Variants in SRGAP3 observed in about 807,000 individuals in gnomAD.
SRGAP3 encodes SLIT-ROBO Rho GTPase-activating protein 3.
In SRGAP3, 39 loss-of-function variants were observed where a neutral mutation model predicts 121.1. The ratio of observed to expected loss-of-function variants is 0.32; its 90% CI spans 0.25 to 0.42. SRGAP3 has a LOEUF of 0.42. SRGAP3 is among the 10% of genes least tolerant of loss of function. The pLI is 1.00. For missense variants in SRGAP3, 1,213 were observed against 1,470.6 expected, an observed-to-expected ratio of 0.82 and a Z score of 2.86; for synonymous variants, 601 against 570.0, an observed-to-expected ratio of 1.05 and a Z score of -0.77.
chr3:9,204,530 G>C (rs530564493), intron 1 of SRGAP3, among the ~76,000 whole-genome samples: 1 of 152,248 alleles, frequency 6.6e-6, no homozygotes, highest in Non-Finnish European at 1.5e-5. Flanking sequence ...AGATAAAATG[G>C]AGGAGGGAGG....
chr3:8,992,590 AG>A (rs1431150525), intron 20 of SRGAP3: 1 of 469,394 alleles, frequency 2.1e-6, no homozygotes, highest in African/African-American at 1.9e-5. Flanking sequence ...AAGGAGGTGC[AG>A]GAACTGGACA....
At chr3:9,300,402 C>A (rs1208494139) in intron 3 of SRGAP3, among the ~76,000 whole-genome samples, 4 of 151,822 alleles carry the variant, frequency 2.6e-5, no homozygotes, top group African/African-American at 4.8e-5. Context: ...TGCCATCTGT[C>A]CTTCTGTGAC....
Position 8,983,229 on chromosome 3 carries a change from C to T in SRGAP3, c.*2290G>A. The stretch of plus-strand genomic sequence containing the variant: ...ATCTTGGGCAGGTCACAGCACAGCC[C>T]AAGGCCTTACTCTCTTAAGCTGTAA... On this transcript the variant is annotated 3_prime_UTR_variant, in exon 22 of 22. Coordinates refer to ENST00000383836, the MANE Select transcript of SRGAP3 (RefSeq NM_014850.4). 1 of 227,120 alleles carries T rather than the reference C, an allele frequency of 4.4e-6. No individual in the cohort carries two copies. The highest frequency in any genetic ancestry group is 6.3e-5 in the East Asian group (1 of 15,782). The allele number at this position is 227,120 out of a possible 1,614,324, so 14.1% of individuals were successfully genotyped here. A position where few individuals can be genotyped will look rare whatever the true frequency, so the allele number is the denominator to read the frequency against.
chr3:9,017,256 T>C (rs193038066), intron 14 of SRGAP3, among the ~76,000 whole-genome samples: 1 of 152,312 alleles, frequency 6.6e-6, no homozygotes, highest in East Asian at 1.9e-4. Flanking sequence ...TTCATACTGA[T>C]GTTTCTTATT....
chr3:9,214,259 C>T (rs1253535477), intron 1 of SRGAP3, among the ~76,000 whole-genome samples: 1 of 152,090 alleles, frequency 6.6e-6, no homozygotes, highest in African/African-American at 2.4e-5. Flanking sequence ...AATTGCAAGA[C>T]CCTTAACAGT....
At chr3:9,191,020 C>A (rs1951736787) in intron 1 of SRGAP3, among the ~76,000 whole-genome samples, 1 of 152,192 alleles carries the variant, frequency 6.6e-6, no homozygotes, top group South Asian at 2.1e-4. Flanking sequence ...TCCCTTACTC[C>A]ATCCCTACCC....
intron 1 of SRGAP3, among the ~76,000 whole-genome samples, chr3:9,336,589 G>T (rs910198846): frequency 2.6e-5 from 4 of 152,084 alleles, no homozygotes; most frequent in Non-Finnish European, 5.9e-5. Flanking sequence ...TGGGTAGAAT[G>T]TGAATATATA....
intron 14 of SRGAP3, among the ~76,000 whole-genome samples, chr3:9,020,401 A>G (rs1943858424): frequency 6.6e-6 from 1 of 152,066 alleles, no homozygotes; most frequent in East Asian, 1.9e-4. Context: ...GGGATGTCCA[A>G]GCCTTACCTC....
chr3:9,261,513 G>C (rs1954255479), intron 3 of SRGAP3, among the ~76,000 whole-genome samples: 1 of 151,954 alleles, frequency 6.6e-6, no homozygotes, highest in South Asian at 2.1e-4. Flanking sequence ...TAAATGACCT[G>C]ATGGAACTGA....
chr3:9,272,573 G>A (rs1241498782), intron 3 of SRGAP3, among the ~76,000 whole-genome samples: 1 of 152,178 alleles, frequency 6.6e-6, no homozygotes, highest in African/African-American at 2.4e-5. Context: ...GTGGTAGCAT[G>A]GGTCAGAGTT....
intron 15 of SRGAP3, among the ~76,000 whole-genome samples, chr3:9,014,500 C>A (rs1389561311): frequency 6.6e-6 from 1 of 152,166 alleles, no homozygotes; most frequent in Admixed American, 6.5e-5. Context: ...CATCTCTGAC[C>A]CCTGTTTCCA....
chr3:9,024,259 G>T (rs926178309), intron 14 of SRGAP3, among the ~76,000 whole-genome samples: 12 of 152,164 alleles, frequency 7.9e-5, no homozygotes, highest in Admixed American at 7.9e-4. Flanking sequence ...ATGGAGACAT[G>T]ACCTTTTCAA....
At chr3:9,261,744 A>G (rs901418897) in intron 3 of SRGAP3, among the ~76,000 whole-genome samples, 14 of 152,052 alleles carry the variant, frequency 9.2e-5, no homozygotes, top group Non-Finnish European at 1.9e-4. Flanking sequence ...TGAAAGTGAC[A>G]GGGAGAATGG....
chr3:9,064,890 A>G (rs191061415), intron 4 of SRGAP3, among the ~76,000 whole-genome samples: 1 of 150,978 alleles, frequency 6.6e-6, no homozygotes, highest in Non-Finnish European at 1.5e-5. Flanking sequence ...TAAATAAATA[A>G]GGAGGAAATT....
chr3:9,357,669 G>A (rs548025272), intron 1 of SRGAP3, among the ~76,000 whole-genome samples: 25 of 151,132 alleles, frequency 1.7e-4, no homozygotes, highest in African/African-American at 5.8e-4. Flanking sequence ...AACAGTGTCT[G>A]ACCAGAATTT....
intron 3 of SRGAP3, among the ~76,000 whole-genome samples, chr3:9,099,114 AAAGC>A (rs1948104736): frequency 6.6e-6 from 1 of 152,344 alleles, no homozygotes; most frequent in Non-Finnish European, 1.5e-5. Flanking sequence ...TCTCGGTTAC[AAAGC>A]AAGGCAATTA....
chr3:9,126,790 G>A (rs1422111780), intron 1 of SRGAP3, among the ~76,000 whole-genome samples: 2 of 152,082 alleles, frequency 1.3e-5, no homozygotes, highest in Admixed American at 6.6e-5. Context: ...GGGTGGGAGG[G>A]AGGTGGATAA....
intron 2 of SRGAP3, among the ~76,000 whole-genome samples, chr3:9,115,979 A>T (rs1428528373): frequency 2.0e-5 from 3 of 152,220 alleles, no homozygotes; most frequent in Non-Finnish European, 4.4e-5. Context: ...ACAATACACT[A>T]GGACCAAACT....
chr3:9,124,551 T>C (rs1398232343), intron 2 of SRGAP3, among the ~76,000 whole-genome samples, 174 bp downstream of exon 2: 1 of 152,252 alleles, frequency 6.6e-6, no homozygotes, highest in Non-Finnish European at 1.5e-5. Flanking sequence ...AGCTTCCCTT[T>C]ACACATGAGG....
Sources: allele counts gnomAD v4.1 joint callset (sites outside exome capture counted in the v4.1 genomes callset), GRCh38; gene constraint gnomAD v4.1.1; transcripts MANE v1.5; gene names NCBI Gene and HGNC (gene_info 2026-07-23, HGNC 2026-07-21).